The following PIP5K1B variants were observed in gnomAD, a reference collection of about 807,000 sequenced individuals.
PIP5K1B encodes the protein phosphatidylinositol-4-phosphate 5-kinase type 1 beta, also known as phosphatidylinositol 4-phosphate 5-kinase type-1 beta.
Under a neutral mutation model 67.0 loss-of-function variants are expected in PIP5K1B, and 42 were observed. That is an observed-to-expected ratio of 0.63 (90% CI 0.49 to 0.81). The LOEUF is 0.81. PIP5K1B is among the 30% of genes least tolerant of loss of function. The pLI is 0.00. For missense variants in PIP5K1B, 459 were observed against 646.3 expected (o/e 0.71, Z 3.14); for synonymous variants, 214 against 231.4 (o/e 0.92, Z 0.68).
At chr9:68,923,438 G>A (rs556777128) in intron 12 of PIP5K1B, 52 bp downstream of exon 12, 94 of 893,102 alleles carry the variant, frequency 1.1e-4, no homozygotes, top group Non-Finnish European at 1.6e-4. Context: ...ATTTCATTAT[G>A]TATCTTTGCA....
chr9:68,967,912 C>CTGATGT (rs1420838667), intron 14 of PIP5K1B, among the ~76,000 whole-genome samples: 4 of 147,424 alleles, frequency 2.7e-5, no homozygotes, highest in African/African-American at 1.0e-4. Context: ...GATGTGCATT[C>CTGATGT]CCAACAGGAC....
intron 4 of PIP5K1B, among the ~76,000 whole-genome samples, chr9:68,849,379 T>C (rs1004068841): frequency 1.3e-5 from 2 of 152,192 alleles, no homozygotes; most frequent in Non-Finnish European, 2.9e-5. Context: ...AGTCTCATTT[T>C]AATTTTATTT....
intron 8 of PIP5K1B, among the ~76,000 whole-genome samples, chr9:68,906,868 A>C (rs1435761533): frequency 6.6e-6 from 1 of 152,196 alleles, no homozygotes; most frequent in African/African-American, 2.4e-5. Flanking sequence ...TTAGACACAG[A>C]GATTCTCCAT....
chr9:68,778,728 C>T (rs1831051172), intron 2 of PIP5K1B, among the ~76,000 whole-genome samples: 2 of 152,220 alleles, frequency 1.3e-5, no homozygotes, highest in South Asian at 4.1e-4. Context: ...CAGTCCCCTG[C>T]TTAAAACCCT....
In PIP5K1B at chr9:69,005,451, G is replaced by C. The variant is rs192848152; in HGVS notation, c.1621-2996G>C. Among the ~76,000 whole-genome samples, 553 of 152,140 alleles carry C rather than the reference G, an allele frequency of 3.6e-3. 12 individuals are homozygous for C. Among genetic ancestry groups the C allele is most frequent in the Non-Finnish European group, 1.5e-3 (102 of 68,020 alleles). ...TGCCCAGGCTGGAGTTCAATGGTGC[G>C]ATCTCAGCTCACCACAACCTCCGCC... is the stretch of plus-strand genomic sequence containing the variant. On this transcript the variant is annotated intron_variant, in intron 15 of 15. Transcript: ENST00000265382.
intron 2 of PIP5K1B, among the ~76,000 whole-genome samples, chr9:68,771,541 G>C (rs1055916261): frequency 6.6e-6 from 1 of 152,104 alleles, no homozygotes; most frequent in Non-Finnish European, 1.5e-5. Context: ...GTCACCTCAG[G>C]CAACTTAGTT....
rs1749569268 is a variant in PIP5K1B at position 68,933,883 on chromosome 9, GC to G, written c.1202-1005del. Among the ~76,000 whole-genome samples, 16 of 152,288 alleles carry G rather than the reference GC, an allele frequency of 1.1e-4. No homozygotes were observed. The South Asian group carries it at 3.3e-3, about 32-fold the overall frequency. ...TTCTCCAATTAAGTTCTTGCAAGCA[GC>G]CTCTGGGAAGGCCCCAGATGAGCTG... On this transcript the variant is annotated intron_variant, in intron 12 of 15. Transcript: ENST00000265382.
chr9:68,859,844 G>A (rs1051403673), intron 4 of PIP5K1B, among the ~76,000 whole-genome samples: 3 of 152,242 alleles, frequency 2.0e-5, no homozygotes, highest in Admixed American at 6.5e-5. Context: ...AGTACATCTG[G>A]CTTAATATTA....
chr9:68,913,785 A>C (rs1316749817), intron 8 of PIP5K1B, among the ~76,000 whole-genome samples: 5 of 152,160 alleles, frequency 3.3e-5, no homozygotes, highest in African/African-American at 4.8e-5. Flanking sequence ...CTGGCAATCC[A>C]AAAGAAGAGT....
chr9:68,755,865 G>T lies in PIP5K1B; in HGVS notation c.-86+13208G>T, dbSNP rs529485133. ...AGTCTTCAAATAGTCATTGATCCAG[G>T]TGTCCTCAGAGAGCCTGAAAAACAA... is the stretch of plus-strand genomic sequence containing the variant. On this transcript the variant is annotated intron_variant, in intron 2 of 15. Coordinates refer to ENST00000265382, the MANE Select transcript of PIP5K1B (RefSeq NM_003558.4). 2.0e-5 allele frequency among the ~76,000 whole-genome samples: 3 copies of T among 152,330 alleles called. No homozygotes were observed. In the East Asian group the frequency reaches 5.8e-4, roughly 29 times the overall value.
At position 68,925,795 on chromosome 9, in the gene PIP5K1B, A is replaced by ATTTTTTTTTTTTTTT. The variant is rs71353094; in HGVS notation, c.1201+2415_1201+2429dup. Among the ~76,000 whole-genome samples, 151 of 73,248 alleles carry ATTTTTTTTTTTTTTT rather than the reference A, an allele frequency of 2.1e-3. 28 individuals carry two copies. Among genetic ancestry groups the ATTTTTTTTTTTTTTT allele is most frequent in the African/African-American group, 7.1e-3 (124 of 17,530 alleles). The allele number at this position is 73,248 out of a possible 152,430, so 48.1% of individuals were successfully genotyped here. A position where few individuals can be genotyped will look rare whatever the true frequency, so the allele number is the denominator to read the frequency against. ...ACATGAATACCAGCTTGTGGTTCCAATTTTTTTTTTTTTTTTTTTTGAGAC... is the reference window on the plus strand; with the variant it reads ...ACATGAATACCAGCTTGTGGTTCCAATTTTTTTTTTTTTTTTTTTTTTTTTTTTTTTTTTTGAGAC... On this transcript the variant is annotated intron_variant, in intron 12 of 15. Transcript: ENST00000265382.
chr9:68,917,079 G>T (rs1382251459), intron 8 of PIP5K1B, among the ~76,000 whole-genome samples: 1 of 152,204 alleles, frequency 6.6e-6, no homozygotes, highest in Non-Finnish European at 1.5e-5. Flanking sequence ...CTGCTTAAGA[G>T]TGTGGACACC....
chr9:68,959,481 A>G (rs1828595175), intron 14 of PIP5K1B, among the ~76,000 whole-genome samples: 1 of 152,154 alleles, frequency 6.6e-6, no homozygotes, highest in South Asian at 2.1e-4. Flanking sequence ...ACCAAAGGCA[A>G]CCACCTTTTT....
Position 68,967,417 on chromosome 9 carries a change from G to A in PIP5K1B, c.1503-23723G>A, listed in dbSNP as rs189147461. On this transcript the variant is annotated intron_variant, in intron 14 of 15. Transcript: ENST00000265382. The stretch of plus-strand genomic sequence containing the variant: ...ATTTTGGCATATGTAACAACTCTGT[G>A]GAAATAATAGGTATCAGATAGAGTT... Among the ~76,000 whole-genome samples the A allele has an allele frequency of 8.5e-5, 13 of 152,204 alleles. 2 individuals are homozygous for A. Among genetic ancestry groups the A allele is most frequent in the African/African-American group, 3.1e-4 (13 of 41,502 alleles).
At chr9:68,940,917 C>T (rs1827528454) in intron 14 of PIP5K1B, 127 bp downstream of exon 14, 2 of 869,200 alleles carry the variant, frequency 2.3e-6, no homozygotes, top group Admixed American at 1.8e-5. Flanking sequence ...CCTCATAGGT[C>T]GGAGAGAGAA....
Position 68,917,678 on chromosome 9 carries a change from A to G in PIP5K1B, c.902A>G (p.Lys301Arg), listed in dbSNP as rs930439873. Residue 301 changes from lysine (K) to arginine (R), a missense_variant, in exon 9 of 16, where the codon AAG (lysine) becomes AGG (arginine). Physicochemically the swap from Lys to Arg is conservative, Grantham distance 26. This residue lies in a region of PIP5K1B where 290 missense variants were observed against 474.4 expected (regional missense o/e 0.61). Coordinates refer to ENST00000265382, the MANE Select transcript of PIP5K1B (RefSeq NM_003558.4). The stretch of plus-strand genomic sequence containing the variant: ...GATGCTAAGCGGACTGGGATGCAGA[A>G]GGTTCTCTACTCAACAGCCATGGAA... Reference protein sequence around the residue: ...VPDAKRTGMQKVLYSTAMESI... With the variant: ...VPDAKRTGMQRVLYSTAMESI... The G allele has an allele frequency of 4.3e-6, 7 of 1,614,078 alleles. No individual in the cohort carries two copies. Among genetic ancestry groups the G allele is most frequent in the African/African-American group, 2.7e-5 (2 of 74,944 alleles).
chr9:68,857,959 T>TTTGTTG (rs71353086), intron 4 of PIP5K1B, among the ~76,000 whole-genome samples: 2,884 of 149,402 alleles, frequency 0.019, 47 homozygotes, highest in South Asian at 0.043. Flanking sequence ...CTCTTGCTGT[T>TTTGTTG]TTGTTGTTGT....
chr9:68,848,811 A>G (rs1822328148), intron 4 of PIP5K1B, among the ~76,000 whole-genome samples: 1 of 152,258 alleles, frequency 6.6e-6, no homozygotes, highest in Non-Finnish European at 1.5e-5. Context: ...ATAATTGAAC[A>G]TGACTATTAG....
At chr9:68,820,096 C>T (rs1833658755) in intron 3 of PIP5K1B, among the ~76,000 whole-genome samples, 1 of 152,054 alleles carries the variant, frequency 6.6e-6, no homozygotes, top group South Asian at 2.1e-4. Context: ...CAGAGTTGCT[C>T]TTGTAGTTTT....
Sources: allele counts gnomAD v4.1 joint callset (sites outside exome capture counted in the v4.1 genomes callset), GRCh38; gene constraint gnomAD v4.1.1; regional missense constraint gnomAD v4.1.1; transcripts MANE v1.5; gene names NCBI Gene and HGNC (gene_info 2026-07-23, HGNC 2026-07-21).